The following ANK2 variants were observed in gnomAD, a reference collection of about 807,000 sequenced individuals.
The protein encoded by ANK2 is ankyrin 2.
In ANK2, 83 loss-of-function variants were observed where a neutral mutation model predicts 360.5. That is an observed-to-expected ratio of 0.23 (90% CI 0.19 to 0.28). The LOEUF is 0.28. Among genes scored for constraint, ANK2 ranks in the 10% least tolerant of loss-of-function variants. The pLI is 1.00. For missense variants in ANK2, 4,201 were observed against 4,795.7 expected (o/e 0.88, Z 3.66); for synonymous variants, 1,740 against 1,759.5 (o/e 0.99, Z 0.28).
chr4:113,316,073 A>G (rs1035974386), intron 24 of ANK2, among the ~76,000 whole-genome samples: 2 of 152,144 alleles, frequency 1.3e-5, no homozygotes, highest in African/African-American at 2.4e-5. Context: ...CTAATCCCCT[A>G]TCAAAAGCTA....
Position 113,233,106 on chromosome 4 carries a change from G to GTTTTTTTTTTTT in ANK2, c.483+882_483+893dup, listed in dbSNP as rs1156385030. ...CAGAGTATATGGGCTTGGCTTTTCT[G>GTTTTTTTTTTTT]TTTTTTTTTTTTTTTTTTTTTTTTT... On this transcript the variant is annotated intron_variant, in intron 5 of 45. Coordinates refer to ENST00000357077, the MANE Select transcript of ANK2 (RefSeq NM_001148.6). 2.9e-4 allele frequency among the ~76,000 whole-genome samples: 23 copies of GTTTTTTTTTTTT among 79,702 alleles called. 3 individuals carry two copies. The highest frequency in any genetic ancestry group is 4.0e-4 in the Non-Finnish European group (16 of 39,856). The allele number at this position is 79,702 out of a possible 152,430, so 52.3% of individuals were successfully genotyped here.
chr4:113,291,603 A>G lies in ANK2; in HGVS notation c.2278-813A>G, dbSNP rs866075981. 5.3e-5 allele frequency among the ~76,000 whole-genome samples: 8 copies of G among 152,366 alleles called. No homozygotes were observed. In the Middle Eastern group the frequency reaches 0.017, roughly 324 times the overall value. On this transcript the variant is annotated intron_variant, in intron 20 of 45. Coordinates refer to ENST00000357077, the MANE Select transcript of ANK2 (RefSeq NM_001148.6). ...GTATGTTGCTCACAGGGCAGCAGTG[A>G]CATTGGATGAAAGGGGTATGTACAC...
intron 1 of ANK2, among the ~76,000 whole-genome samples, chr4:112,822,543 C>T (rs1047535512): frequency 6.6e-6 from 1 of 151,576 alleles, no homozygotes; most frequent in African/African-American, 2.4e-5. Context: ...GTCAGGAGTT[C>T]GAGACCAGCT....
At chr4:113,325,264 A>C (rs2153891088) in intron 26 of ANK2, among the ~76,000 whole-genome samples, 1 of 152,336 alleles carries the variant, frequency 6.6e-6, no homozygotes, top group South Asian at 2.1e-4. Flanking sequence ...AGCAAAAATG[A>C]TATATATTTC....
At chr4:113,216,377 A>T (rs2099085876) in intron 4 of ANK2, among the ~76,000 whole-genome samples, 1 of 152,152 alleles carries the variant, frequency 6.6e-6, no homozygotes, top group Admixed American at 6.5e-5. Flanking sequence ...GACATATCTC[A>T]TTCTAATTTT....
the ANK2 span, among the ~76,000 whole-genome samples, chr4:112,741,349 C>T: frequency 6.6e-6 from 1 of 152,170 alleles, no homozygotes; most frequent in South Asian, 2.1e-4. Flanking sequence ...TTCCAGCAAG[C>T]CCAAGCATCC....
At chr4:113,128,396 C>T (rs1486222635) in intron 1 of ANK2, among the ~76,000 whole-genome samples, 1 of 152,290 alleles carries the variant, frequency 6.6e-6, no homozygotes, top group East Asian at 1.9e-4. Context: ...ATTATATCAC[C>T]ATAGTCCCCC....
intron 2 of ANK2, among the ~76,000 whole-genome samples, chr4:113,022,284 G>A (rs1488141608): frequency 2.0e-5 from 3 of 152,114 alleles, no homozygotes; most frequent in Non-Finnish European, 4.4e-5. Context: ...GAAACTAAGA[G>A]GAAAAGCATT....
chr4:113,177,582 A>ACT (rs2098265876), intron 2 of ANK2, among the ~76,000 whole-genome samples: 2 of 152,222 alleles, frequency 1.3e-5, no homozygotes, highest in South Asian at 4.1e-4. Context: ...AGTATAACAA[A>ACT]TACATTAATT....
chr4:113,320,646 C>G (rs550803150), intron 26 of ANK2, among the ~76,000 whole-genome samples: 1 of 152,014 alleles, frequency 6.6e-6, no homozygotes, highest in Non-Finnish European at 1.5e-5. Flanking sequence ...CAGAGTGAGA[C>G]TCCATCTCCA....
chr4:113,062,437 T>C lies in ANK2; in HGVS notation c.84+12625T>C, dbSNP rs183256356. On this transcript the variant is annotated intron_variant, in intron 1 of 45. Transcript: ENST00000357077. ...GTGACCAATGAACAATGATTTTGGA[T>C]CTCATTAAATTCTTAAATTTTCTGG... is the stretch of plus-strand genomic sequence containing the variant. 7.9e-5 allele frequency among the ~76,000 whole-genome samples: 12 copies of C among 152,268 alleles called. No individual in the cohort carries two copies. The East Asian group carries it at 2.1e-3, about 27-fold the overall frequency.
chr4:113,073,447 G>A (rs2078592314), intron 1 of ANK2, among the ~76,000 whole-genome samples: 1 of 152,116 alleles, frequency 6.6e-6, no homozygotes, highest in South Asian at 2.1e-4. Context: ...GTGCAGCCAG[G>A]AGAAATCAAT....
At chr4:112,882,611 AT>A (rs1023263238) in intron 1 of ANK2, among the ~76,000 whole-genome samples, 44 of 152,290 alleles carry the variant, frequency 2.9e-4, no homozygotes, top group African/African-American at 1.0e-3. Context: ...GCCGTATTTA[AT>A]TGAAACTTTG....
intron 1 of ANK2, among the ~76,000 whole-genome samples, chr4:112,860,579 A>G (rs1260247677): frequency 6.6e-6 from 1 of 152,204 alleles, no homozygotes; most frequent in Non-Finnish European, 1.5e-5. Context: ...AATATCTGGA[A>G]AAATGAAGCA....
the ANK2 span, among the ~76,000 whole-genome samples, chr4:112,776,645 T>C: frequency 1.3e-5 from 2 of 152,216 alleles, no homozygotes; most frequent in Non-Finnish European, 2.9e-5. Context: ...TATTTTGGGG[T>C]GGCATATTCC....
chr4:112,829,630 A>T (rs1485987887), intron 1 of ANK2, among the ~76,000 whole-genome samples: 1 of 152,112 alleles, frequency 6.6e-6, no homozygotes, highest in Non-Finnish European at 1.5e-5. Context: ...CCACAATGAG[A>T]TACCATCTCA....
Position 113,357,863 on chromosome 4 carries a change from C to A in ANK2, c.9245C>A (p.Thr3082Asn). 6.2e-7 allele frequency: 1 copy of A among 1,614,032 alleles called. No homozygotes were observed. The highest frequency in any genetic ancestry group is 8.5e-7 in the Non-Finnish European group (1 of 1,179,948). The change falls in exon 38 of 46, where the codon ACC (threonine) becomes AAC (asparagine). Residue 3082 changes from threonine (T) to asparagine (N), a missense_variant. Coordinates refer to ENST00000357077, the MANE Select transcript of ANK2 (RefSeq NM_001148.6). ...CAATCACAGGGTACCACCCCTGACA[C>A]CACTCCTGCTAGGACCCCAACTGAA... ...DRQSQGTTPD[T>N]TPARTPTEEG...
intron 1 of ANK2, among the ~76,000 whole-genome samples, chr4:112,866,459 G>A (rs1297479805): frequency 6.6e-6 from 1 of 152,044 alleles, no homozygotes; most frequent in East Asian, 1.9e-4. Context: ...CACTCTTCAG[G>A]TACCTTAAAC....
At chr4:112,857,750 G>A (rs929402532) in intron 1 of ANK2, among the ~76,000 whole-genome samples, 41 of 152,184 alleles carry the variant, frequency 2.7e-4, no homozygotes, top group African/African-American at 9.9e-4. Context: ...AAAATATGCA[G>A]GGGTGGGTCT....
Sources: allele counts gnomAD v4.1 joint callset (sites outside exome capture counted in the v4.1 genomes callset), GRCh38; gene constraint gnomAD v4.1.1; transcripts MANE v1.5; gene names NCBI Gene and HGNC (gene_info 2026-07-23, HGNC 2026-07-21).